The following EYS variants were observed in gnomAD, a reference collection of about 807,000 sequenced individuals.
EYS encodes protein eyes shut homolog.
EYS carries 250 observed loss-of-function variants against 282.1 expected under a neutral mutation model. The ratio of observed to expected loss-of-function variants is 0.89; its 90% CI spans 0.80 to 0.98. EYS has a LOEUF of 0.98. EYS is among the 50% of genes least tolerant of loss of function. The pLI is 0.00. For missense variants in EYS, 4,016 were observed against 3,709.0 expected (o/e 1.08, Z -2.15); for synonymous variants, 1,355 against 1,282.9 (o/e 1.06, Z -1.20).
intron 22 of EYS, among the ~76,000 whole-genome samples, chr6:64,648,375 C>T (rs1157176069): frequency 2.0e-5 from 3 of 152,180 alleles, no homozygotes; most frequent in African/African-American, 4.8e-5. Flanking sequence ...ATGAAAGCAT[C>T]ATTTCTACTC....
At chr6:64,296,731 C>G (rs1333185940) in intron 30 of EYS, among the ~76,000 whole-genome samples, 1 of 151,120 alleles carries the variant, frequency 6.6e-6, no homozygotes, top group South Asian at 2.1e-4. Context: ...CTCAGCCTCC[C>G]GAGTAGCTGG....
intron 11 of EYS, among the ~76,000 whole-genome samples, chr6:65,318,646 T>G (rs9354224): frequency 6.8e-6 from 1 of 146,518 alleles, no homozygotes; most frequent in African/African-American, 2.5e-5. Flanking sequence ...ATATATATAA[T>G]ATATGTATTT....
rs190360494 is a variant in EYS at position 63,947,896 on chromosome 6, T to C, written c.7055+36487A>G. On this transcript the variant is annotated intron_variant, in intron 35 of 42. Coordinates refer to ENST00000503581, the MANE Select transcript of EYS (RefSeq NM_001142800.2). ...TACTGAAGGTCATGACATAACGTTA[T>C]TCATTATTTAGGCCAATATAGCAAG... is the stretch of plus-strand genomic sequence containing the variant. Among the ~76,000 whole-genome samples, 164 of 152,328 alleles carry C rather than the reference T, an allele frequency of 1.1e-3. 2 individuals carry two copies. The South Asian group carries it at 0.013, about 12-fold the overall frequency.
chr6:64,354,408 T>C (rs1771752554), intron 29 of EYS, among the ~76,000 whole-genome samples: 1 of 151,568 alleles, frequency 6.6e-6, no homozygotes, highest in Non-Finnish European at 1.5e-5. Context: ...TATGTTCTAA[T>C]CCTATATGCT....
At chr6:64,650,907 T>C (rs1386895537) in intron 22 of EYS, among the ~76,000 whole-genome samples, 1 of 151,938 alleles carries the variant, frequency 6.6e-6, no homozygotes, top group Admixed American at 6.6e-5. Context: ...CAGCAATATA[T>C]TAAAAATAAT....
At chr6:65,210,314 G>T (rs1007973107) in intron 12 of EYS, among the ~76,000 whole-genome samples, 1 of 151,944 alleles carries the variant, frequency 6.6e-6, no homozygotes, top group Non-Finnish European at 1.5e-5. Context: ...TGATTACATG[G>T]GAACTTTCCC....
At chr6:63,881,898 A>T (rs1773142128) in intron 35 of EYS, among the ~76,000 whole-genome samples, 1 of 152,222 alleles carries the variant, frequency 6.6e-6, no homozygotes, top group Non-Finnish European at 1.5e-5. Flanking sequence ...GTTTAATCAC[A>T]TATAGGAAGC....
chr6:64,748,888 C>T (rs547989108), intron 22 of EYS, among the ~76,000 whole-genome samples: 16 of 152,270 alleles, frequency 1.1e-4, no homozygotes, highest in East Asian at 3.9e-4. Flanking sequence ...TTCCCCTGCC[C>T]CAGCCTCCCG....
intron 29 of EYS, among the ~76,000 whole-genome samples, chr6:64,353,962 T>TG (rs1771734616): frequency 6.6e-6 from 1 of 151,566 alleles, no homozygotes; most frequent in Non-Finnish European, 1.5e-5. Context: ...GAACAGCAAC[T>TG]GGCACTGTGA....
intron 12 of EYS, among the ~76,000 whole-genome samples, chr6:65,198,875 G>T (rs1321521007): frequency 2.0e-5 from 3 of 152,058 alleles, no homozygotes; most frequent in African/African-American, 7.2e-5. Flanking sequence ...ACTATTTTAT[G>T]GATTTGATTG....
At chr6:64,879,425 C>T (rs1206648480) in intron 19 of EYS, among the ~76,000 whole-genome samples, 1 of 151,302 alleles carries the variant, frequency 6.6e-6, no homozygotes, top group East Asian at 2.0e-4. Flanking sequence ...GATACATAAA[C>T]AAGAAAATAG....
chr6:64,728,958 G>C (rs1327619109), intron 22 of EYS: 1 of 152,378 alleles, frequency 6.6e-6, no homozygotes, highest in East Asian at 1.9e-4. Context: ...TCCTTGGCCA[G>C]ACTCCTCTCT....
intron 2 of EYS, among the ~76,000 whole-genome samples, chr6:65,567,780 CTAGT>C (rs1180230912): frequency 1.3e-5 from 2 of 152,050 alleles, no homozygotes; most frequent in African/African-American, 4.8e-5. Flanking sequence ...CTTTTCTAAG[CTAGT>C]TATATTATTC....
intron 19 of EYS, among the ~76,000 whole-genome samples, chr6:64,877,635 A>G (rs905693331): frequency 6.6e-6 from 1 of 152,308 alleles, no homozygotes; most frequent in African/African-American, 2.4e-5. Flanking sequence ...GAAAATGGCA[A>G]TGGAGAATAA....
At chr6:65,016,959 T>A (rs1433663656) in intron 13 of EYS, among the ~76,000 whole-genome samples, 2 of 152,166 alleles carry the variant, frequency 1.3e-5, no homozygotes, top group South Asian at 2.1e-4. Context: ...GTGGTAGATA[T>A]TTTGTGCATT....
At position 64,763,543 on chromosome 6, in the gene EYS, G is replaced by A. The variant is rs116818005; in HGVS notation, c.3443+49835C>T. Among the ~76,000 whole-genome samples the A allele has an allele frequency of 1.2e-3, 178 of 152,080 alleles. 1 individual carries two copies. Among genetic ancestry groups the A allele is most frequent in the African/African-American group, 3.9e-3 (162 of 41,476 alleles). On this transcript the variant is annotated intron_variant, in intron 22 of 42. Transcript: ENST00000503581. The stretch of plus-strand genomic sequence containing the variant: ...CCCAACACTAAAAATCCCAACTGGA[G>A]TTGAGATTTTGGTGGGCACACAGAG...
At chr6:63,863,158 A>G (rs1206780570) in intron 36 of EYS, among the ~76,000 whole-genome samples, 1 of 152,366 alleles carries the variant, frequency 6.6e-6, no homozygotes, top group East Asian at 1.9e-4. Flanking sequence ...TGTCAAAGGA[A>G]TAAATGTTTT....
chr6:63,760,511 G>T (rs1769605196), intron 41 of EYS, among the ~76,000 whole-genome samples: 1 of 151,904 alleles, frequency 6.6e-6, no homozygotes, highest in African/African-American at 2.4e-5. Flanking sequence ...TATATCTTTG[G>T]TTAACTTTGT....
intron 31 of EYS, among the ~76,000 whole-genome samples, chr6:64,179,965 C>A (rs1177446077): frequency 1.3e-5 from 2 of 151,982 alleles, no homozygotes; most frequent in Non-Finnish European, 2.9e-5. Flanking sequence ...AAATTGTATA[C>A]AGATAACACA....
Sources: gnomAD v4.1 joint callset for allele counts (sites outside exome capture counted in the v4.1 genomes callset) on GRCh38, gnomAD v4.1.1 for gene constraint, MANE v1.5 for transcripts, NCBI Gene and HGNC (gene_info 2026-07-23, HGNC 2026-07-21) for gene names.